CMIP: variants seen among roughly 807,000 people sequenced by gnomAD.
The protein encoded by CMIP is C-Maf-inducing protein.
CMIP carries 13 observed loss-of-function variants against 97.3 expected under a neutral mutation model. The observed-to-expected ratio is 0.13, with a 90% CI of 0.09 to 0.21. The LOEUF is 0.21. CMIP is among the 10% of genes least tolerant of loss of function. CMIP has a pLI of 1.00. For synonymous variants in CMIP, 538 were observed against 436.3 expected, an observed-to-expected ratio of 1.23 and a Z score of -2.91; for missense variants, 847 against 1,024.9, an observed-to-expected ratio of 0.83 and a Z score of 2.37.
At chr16:81,645,378 G>T in intron 3 of CMIP, 1 of 1,456,756 alleles carries the variant, frequency 6.9e-7, no homozygotes, top group Non-Finnish European at 9.1e-7. Context: ...GCGAGCCCCA[G>T]AGGCTGCGGC....
In CMIP at chr16:81,656,452, T is replaced by C. The variant is rs922638112; in HGVS notation, c.640-1323T>C. Among the ~76,000 whole-genome samples the C allele has an allele frequency of 2.6e-5, 4 of 152,306 alleles. No homozygotes were observed. In the South Asian group the frequency reaches 8.3e-4, roughly 32 times the overall value. ...TAGGAAATACGAATTGGCACCACTGTGTGTCCACCAAAACAGACAAGCAAA... is the reference window on the plus strand; with the variant it reads ...TAGGAAATACGAATTGGCACCACTGCGTGTCCACCAAAACAGACAAGCAAA... On this transcript the variant is annotated intron_variant, in intron 4 of 20. Transcript: ENST00000537098.
intron 1 of CMIP, chr16:81,476,221 A>G (rs186301860): frequency 2.1e-6 from 3 of 1,396,090 alleles, no homozygotes; most frequent in East Asian, 2.3e-5. Context: ...AGCATTTGCC[A>G]TGGACAAGAT....
At chr16:81,468,041 C>T (rs1222670317) in intron 1 of CMIP, among the ~76,000 whole-genome samples, 1 of 152,142 alleles carries the variant, frequency 6.6e-6, no homozygotes, top group Non-Finnish European at 1.5e-5. Context: ...AGTGCACCAC[C>T]ATGCCCGGCC....
At chr16:81,546,066 A>C (rs1272754974) in intron 1 of CMIP, among the ~76,000 whole-genome samples, 2 of 152,210 alleles carry the variant, frequency 1.3e-5, no homozygotes, top group African/African-American at 4.8e-5. Context: ...CACAGCCAGC[A>C]GTCGAGGATG....
At chr16:81,624,230 C>CTT (rs1247071144) in intron 3 of CMIP, among the ~76,000 whole-genome samples, 1 of 151,138 alleles carries the variant, frequency 6.6e-6, no homozygotes, top group Non-Finnish European at 1.5e-5. Context: ...TATTATTATA[C>CTT]TTTAAGTTTT....
intron 1 of CMIP, among the ~76,000 whole-genome samples, chr16:81,492,769 A>G (rs2089425408): frequency 6.6e-6 from 1 of 151,946 alleles, no homozygotes; most frequent in African/African-American, 2.4e-5. Context: ...GATAAGGAGG[A>G]CAAGAGGCAG....
chr16:81,524,589 G>A (rs1229793143), intron 1 of CMIP, among the ~76,000 whole-genome samples: 2 of 152,216 alleles, frequency 1.3e-5, no homozygotes, highest in Admixed American at 6.5e-5. Context: ...AGCCATCACG[G>A]CCCTCATTTT....
In CMIP at chr16:81,543,841, G is replaced by A. The variant is rs558151084; in HGVS notation, c.301-63726G>A. 9.8e-5 allele frequency among the ~76,000 whole-genome samples: 15 copies of A among 152,342 alleles called. No individual in the cohort carries two copies. In the East Asian group the frequency reaches 2.9e-3, roughly 29 times the overall value. Reference sequence around the variant, plus strand: ...TAAAAAATCAACTTCCACTAGTCCAGCTATGACCCCTGAAATGCCTTCCAT... The same window carrying A: ...TAAAAAATCAACTTCCACTAGTCCAACTATGACCCCTGAAATGCCTTCCAT... On this transcript the variant is annotated intron_variant, in intron 1 of 20. Coordinates refer to ENST00000537098, the MANE Select transcript of CMIP (RefSeq NM_198390.3).
At chr16:81,622,979 G>A (rs770922160) in intron 3 of CMIP, among the ~76,000 whole-genome samples, 3 of 152,250 alleles carry the variant, frequency 2.0e-5, no homozygotes, top group Admixed American at 1.3e-4. Context: ...CAAAGCAGGC[G>A]GGTAGTCTAA....
intron 1 of CMIP, among the ~76,000 whole-genome samples, chr16:81,586,352 A>G (rs1419849857): frequency 1.3e-5 from 2 of 152,122 alleles, no homozygotes; most frequent in African/African-American, 2.4e-5. Context: ...TGTGGGTGCT[A>G]TTATCATCGA....
At chr16:81,642,782 G>C (rs969402017) in intron 3 of CMIP, among the ~76,000 whole-genome samples, 1 of 152,188 alleles carries the variant, frequency 6.6e-6, no homozygotes, top group Non-Finnish European at 1.5e-5. Context: ...TGTAGTCCCA[G>C]CTACTCGGGA....
chr16:81,673,063 G>T (rs1348879695), intron 9 of CMIP, among the ~76,000 whole-genome samples: 2 of 152,220 alleles, frequency 1.3e-5, no homozygotes, highest in African/African-American at 4.8e-5. Context: ...GGGGTAGCAA[G>T]TGACCGGAAG....
rs370896128 is a variant in CMIP, at chr16:81,515,553, G to A, written c.300+70012G>A. Among the ~76,000 whole-genome samples the A allele has an allele frequency of 2.6e-5, 4 of 152,152 alleles. No homozygotes were observed. In the East Asian group the frequency reaches 5.8e-4, roughly 22 times the overall value. On this transcript the variant is annotated intron_variant, in intron 1 of 20. Transcript: ENST00000537098. ...CTGGGGATAATGGGAGGCGTGTTTC[G>A]TCAGCCCAAGAGCATCGTTAAGTGG...
chr16:81,447,049 C>T (rs1905895415), intron 1 of CMIP, among the ~76,000 whole-genome samples: 1 of 152,172 alleles, frequency 6.6e-6, no homozygotes, highest in Non-Finnish European at 1.5e-5. Flanking sequence ...CAAGCCCGTC[C>T]CGCGCCACAG....
At chr16:81,560,858 T>C (rs2090868773) in intron 1 of CMIP, among the ~76,000 whole-genome samples, 1 of 152,254 alleles carries the variant, frequency 6.6e-6, no homozygotes, top group Admixed American at 6.5e-5. Context: ...GTAGGCCGTA[T>C]ACCATGTAGG....
intron 1 of CMIP, among the ~76,000 whole-genome samples, chr16:81,544,326 T>A (rs1373567714): frequency 6.6e-6 from 1 of 152,252 alleles, no homozygotes; most frequent in Admixed American, 6.5e-5. Context: ...CTCAATTTTT[T>A]AATTGCAAAG....
chr16:81,561,977 G>A (rs2090892041), intron 1 of CMIP, among the ~76,000 whole-genome samples: 1 of 152,102 alleles, frequency 6.6e-6, no homozygotes, highest in South Asian at 2.1e-4. Context: ...TGAGAGAGAA[G>A]GCTGATAAAT....
At chr16:81,558,933 A>T (rs564790877) in intron 1 of CMIP, among the ~76,000 whole-genome samples, 1 of 152,350 alleles carries the variant, frequency 6.6e-6, no homozygotes, top group South Asian at 2.1e-4. Flanking sequence ...AGCAAGGTGC[A>T]AACACTGGCA....
intron 1 of CMIP, among the ~76,000 whole-genome samples, chr16:81,561,085 G>T (rs1289342323): frequency 6.6e-6 from 1 of 152,154 alleles, no homozygotes; most frequent in Non-Finnish European, 1.5e-5. Context: ...CTCCTAAGTA[G>T]CTGGGATTAC....
Sources: gnomAD v4.1 joint callset for allele counts (sites outside exome capture counted in the v4.1 genomes callset) on GRCh38, gnomAD v4.1.1 for gene constraint, MANE v1.5 for transcripts, NCBI Gene and HGNC (gene_info 2026-07-23, HGNC 2026-07-21) for gene names.